Variants in RNF13 observed in about 807,000 individuals in gnomAD.
RNF13 encodes the protein E3 ubiquitin-protein ligase RNF13.
In RNF13, 19 loss-of-function variants were observed where a neutral mutation model predicts 37.7. The observed-to-expected ratio is 0.50, with a 90% confidence interval of 0.35 to 0.74. RNF13 has a LOEUF of 0.74. RNF13 is among the 30% of genes least tolerant of loss of function. The pLI is 0.01. For synonymous variants in RNF13, 144 were observed against 157.8 expected, an observed-to-expected ratio of 0.91 and a Z score of 0.65; for missense variants, 375 against 453.0, an observed-to-expected ratio of 0.83 and a Z score of 1.56.
intron 6 of RNF13, among the ~76,000 whole-genome samples, chr3:149,909,146 T>C (rs549723287): frequency 6.6e-5 from 10 of 152,226 alleles, no homozygotes; most frequent in Non-Finnish European, 1.5e-4. Flanking sequence ...GCCAGAGGAC[T>C]GAAATTCCAT....
intron 6 of RNF13, among the ~76,000 whole-genome samples, chr3:149,902,868 C>T (rs1488150420): frequency 6.6e-6 from 1 of 152,042 alleles, no homozygotes; most frequent in Non-Finnish European, 1.5e-5. Flanking sequence ...ATTTATTGAG[C>T]ATTTAGCAAA....
intron 8 of RNF13, among the ~76,000 whole-genome samples, chr3:149,927,443 A>C (rs1401696891): frequency 6.6e-6 from 1 of 152,224 alleles, no homozygotes; most frequent in Non-Finnish European, 1.5e-5. Context: ...ACTGCAATGA[A>C]CATTGATAAA....
chr3:149,819,492 G>C (rs1379899436), intron 1 of RNF13, among the ~76,000 whole-genome samples: 1 of 152,180 alleles, frequency 6.6e-6, no homozygotes, highest in Non-Finnish European at 1.5e-5. Flanking sequence ...TATTGTGCTA[G>C]ATGCTAGGTA....
chr3:149,912,029 A>G lies in RNF13; in HGVS notation c.552A>G (p.Leu184=), dbSNP rs768700103. 4.4e-6 allele frequency: 7 copies of G among 1,602,010 alleles called. No individual in the cohort carries two copies. Among genetic ancestry groups the G allele is most frequent in the Non-Finnish European group, 6.0e-6 (7 of 1,169,998 alleles). ...PEFSLPLEYY[L]IPFLIIVGIC... is the part of the protein sequence containing the mutation. The stretch of plus-strand genomic sequence containing the variant: ...TTAGTCTTCCTTTGGAATACTACCT[A>G]ATTCCCTTCCTTATCATAGTGGGCA... The change falls in exon 7 of 10, where the codon CTA becomes CTG. Residue 184 remains leucine (L), a synonymous_variant. Transcript: ENST00000392894.
chr3:149,862,838 T>A (rs1275768792), intron 3 of RNF13, among the ~76,000 whole-genome samples: 1 of 152,208 alleles, frequency 6.6e-6, no homozygotes, highest in Non-Finnish European at 1.5e-5. Context: ...CAGGTACTTT[T>A]ATATACTGCT....
chr3:149,875,133 A>G (rs1313519591), intron 4 of RNF13, among the ~76,000 whole-genome samples: 1 of 152,156 alleles, frequency 6.6e-6, no homozygotes, highest in African/African-American at 2.4e-5. Context: ...AGGACTGAGT[A>G]CTGAGGAAAA....
intron 1 of RNF13, among the ~76,000 whole-genome samples, chr3:149,828,908 G>T (rs1006958817): frequency 6.6e-6 from 1 of 152,062 alleles, no homozygotes; most frequent in African/African-American, 2.4e-5. Context: ...TGTCACAGGC[G>T]CTGAGAGATT....
At chr3:149,919,657 C>T (rs1471481511) in intron 7 of RNF13, among the ~76,000 whole-genome samples, 1 of 152,116 alleles carries the variant, frequency 6.6e-6, no homozygotes, top group Non-Finnish European at 1.5e-5. Context: ...ACCTATTGAT[C>T]AACATTTGGG....
intron 1 of RNF13, chr3:149,814,044 G>T (rs1444267263): frequency 6.6e-6 from 1 of 152,126 alleles, no homozygotes; most frequent in African/African-American, 2.4e-5. Context: ...CCTCTATTTT[G>T]TCCTAATCTG....
intron 4 of RNF13, among the ~76,000 whole-genome samples, chr3:149,892,247 A>G (rs1484039329): frequency 6.6e-6 from 1 of 152,224 alleles, no homozygotes; most frequent in Non-Finnish European, 1.5e-5. Context: ...TAGTGTATTT[A>G]TAGAAACAAG....
At chr3:149,930,355 A>T (rs574744185) in intron 8 of RNF13, among the ~76,000 whole-genome samples, 110 of 152,300 alleles carry the variant, frequency 7.2e-4, no homozygotes, top group Non-Finnish European at 1.4e-3. Context: ...GTTGGTATCC[A>T]AAAAAAGAAA....
chr3:149,855,987 A>G (rs543120376), intron 3 of RNF13, among the ~76,000 whole-genome samples: 2 of 152,326 alleles, frequency 1.3e-5, no homozygotes, highest in African/African-American at 4.8e-5. Context: ...TCTACTGAAT[A>G]AGCTTATTTT....
chr3:149,814,125 G>A (rs908394858), intron 1 of RNF13: 1 of 152,146 alleles, frequency 6.6e-6, no homozygotes, highest in Admixed American at 6.5e-5. Flanking sequence ...CAGCTGCTCG[G>A]GTCCTCTCTT....
chr3:149,871,198 T>A (rs981536146), intron 3 of RNF13, among the ~76,000 whole-genome samples: 2 of 151,678 alleles, frequency 1.3e-5, no homozygotes, highest in Admixed American at 1.3e-4. Context: ...TGTGCCACCA[T>A]GCTCGGCTAA....
At chr3:149,863,675 C>T (rs572764368) in intron 3 of RNF13, among the ~76,000 whole-genome samples, 11 of 152,166 alleles carry the variant, frequency 7.2e-5, no homozygotes, top group South Asian at 6.2e-4. Context: ...CCACCACACC[C>T]GGGCTACATT....
intron 4 of RNF13, among the ~76,000 whole-genome samples, chr3:149,880,665 C>T (rs1713284061): frequency 6.6e-6 from 1 of 151,868 alleles, no homozygotes; most frequent in Admixed American, 6.6e-5. Context: ...TTATGTTATT[C>T]ATTTTATTAT....
chr3:149,861,876 G>A (rs1213755337), intron 3 of RNF13, among the ~76,000 whole-genome samples: 1 of 152,036 alleles, frequency 6.6e-6, no homozygotes, highest in African/African-American at 2.4e-5. Flanking sequence ...TTTTATGCAT[G>A]TAACAAATTA....
intron 6 of RNF13, among the ~76,000 whole-genome samples, chr3:149,908,911 C>G (rs1716695728): frequency 6.6e-6 from 1 of 152,152 alleles, no homozygotes; most frequent in African/African-American, 2.4e-5. Flanking sequence ...GAAAATAAGA[C>G]CCTATTTTCT....
At position 149,833,987 on chromosome 3, in the gene RNF13, C is replaced by G. The variant is rs190980061; in HGVS notation, c.-16-12024C>G. On this transcript the variant is annotated intron_variant, in intron 1 of 9. Transcript: ENST00000392894. Reference sequence around the variant, plus strand: ...TTCCTATAAAGTAACAGCGAACTATCCAAAAAGGAAATTAAGAAAACAATT... The same window carrying G: ...TTCCTATAAAGTAACAGCGAACTATGCAAAAAGGAAATTAAGAAAACAATT... Among the ~76,000 whole-genome samples the G allele has an allele frequency of 2.3e-3, 342 of 151,978 alleles. 1 individual carries two copies. The highest frequency in any genetic ancestry group is 7.9e-3 in the African/African-American group (329 of 41,434).
Sources: allele counts gnomAD v4.1 joint callset (sites outside exome capture counted in the v4.1 genomes callset), GRCh38; gene constraint gnomAD v4.1.1; transcripts MANE v1.5; gene names NCBI Gene and HGNC (gene_info 2026-07-23, HGNC 2026-07-21).